Variants in TRPM1 observed in about 807,000 individuals in gnomAD.
TRPM1 encodes TRPM1-203 APA Isoform, Intron 10.
In TRPM1, 113 loss-of-function variants were observed where a neutral mutation model predicts 149.4. The observed-to-expected ratio is 0.76, with a 90% CI of 0.65 to 0.88. The LOEUF is 0.88. Among genes scored for constraint, TRPM1 ranks in the 40% least tolerant of loss-of-function variants. TRPM1 has a pLI of 0.00. For missense variants in TRPM1, 1,976 were observed against 2,038.7 expected, an observed-to-expected ratio of 0.97 and a Z score of 0.59; for synonymous variants, 741 against 759.5, an observed-to-expected ratio of 0.98 and a Z score of 0.40.
At chr15:31,138,288 T>C (rs1454140579) in intron 1 of TRPM1, among the ~76,000 whole-genome samples, 1 of 149,686 alleles carries the variant, frequency 6.7e-6, no homozygotes, top group African/African-American at 2.6e-5. Context: ...ACAATCTTCG[T>C]ATTAACCACC....
At chr15:31,065,254 C>A in intron 7 of TRPM1, 1 of 413,850 alleles carries the variant, frequency 2.4e-6, no homozygotes, top group Non-Finnish European at 4.9e-6. Context: ...AAATCTACAA[C>A]TTTTCCTAGT....
intron 10 of TRPM1, 128 bp from the exon 11 acceptor site, chr15:31,060,772 C>T (rs1238077935): frequency 2.6e-6 from 2 of 782,888 alleles, no homozygotes; most frequent in Admixed American, 4.0e-5. Flanking sequence ...GCTGGCTTTG[C>T]TCTTGCCCTG....
rs745786556 is a variant in TRPM1 at position 31,101,638 on chromosome 15, T to C, written c.-84+19A>G. ...CACCTGACCTCCCTTCACCTGTGCTTACCCGCATCTGAGCTTACCTGCCAC... is the reference window on the plus strand; with the variant it reads ...CACCTGACCTCCCTTCACCTGTGCTCACCCGCATCTGAGCTTACCTGCCAC... On this transcript the variant is annotated intron_variant, in intron 1 of 27. Coordinates refer to ENST00000256552, the MANE Select transcript of TRPM1 (RefSeq NM_001252024.2). 4.5e-4 allele frequency: 442 copies of C among 985,704 alleles called. No individual in the cohort carries two copies. Among genetic ancestry groups the C allele is most frequent in the Admixed American group, 9.2e-4 (15 of 16,276 alleles). The allele number at this position is 985,704 out of a possible 1,614,324, so 61.1% of individuals were successfully genotyped here.
intron 1 of TRPM1, among the ~76,000 whole-genome samples, chr15:31,144,334 G>A (rs141838735): frequency 8.7e-4 from 132 of 152,294 alleles, no homozygotes; most frequent in African/African-American, 3.0e-3. Flanking sequence ...TTATTTGGGA[G>A]GCTAAGGTGG....
chr15:31,057,301 A>G (rs1345444032), intron 11 of TRPM1, among the ~76,000 whole-genome samples: 1 of 152,174 alleles, frequency 6.6e-6, no homozygotes, highest in Non-Finnish European at 1.5e-5. Context: ...AGAAAACCAA[A>G]TGCTGCATAT....
chr15:31,095,857 A>G (rs958398117), intron 1 of TRPM1, among the ~76,000 whole-genome samples: 98 of 152,002 alleles, frequency 6.4e-4, no homozygotes, highest in African/African-American at 2.4e-3. Context: ...CAGCCTGGCC[A>G]ACGTGGTGAA....
In TRPM1 at chr15:31,035,677, G is replaced by GA. The variant is rs1181011923; in HGVS notation, c.2572-4dup. The GA allele has an allele frequency of 6.2e-7, 1 of 1,614,182 alleles. No homozygotes were observed. The highest frequency in any genetic ancestry group is 1.7e-5 in the Admixed American group (1 of 60,026). ...AGCAGGTAGCCCAAGTATGATATCT[G>GA]AAAGAAAGACAAGCTGTTAGCCGTG... On this transcript the variant is annotated splice_region_variant and splice_polypyrimidine_tract_variant and intron_variant, in intron 20 of 27. Coordinates refer to ENST00000256552, the MANE Select transcript of TRPM1 (RefSeq NM_001252024.2).
chr15:31,137,862 G>A (rs79894101), intron 1 of TRPM1, among the ~76,000 whole-genome samples: 3,741 of 152,210 alleles, frequency 0.025, 149 homozygotes, highest in African/African-American at 0.085. Context: ...GATAAAAATA[G>A]AGCTCAGAGC....
chr15:31,028,622 A>T (rs2032907350), intron 24 of TRPM1, 146 bp from the exon 25 acceptor site: 1 of 1,089,448 alleles, frequency 9.2e-7, no homozygotes, highest in Non-Finnish European at 1.3e-6. Context: ...GGGAAAAAAT[A>T]AACTCTGTAG....
At chr15:31,155,322 T>TG (rs570538244) in intron 1 of TRPM1, among the ~76,000 whole-genome samples, 178 of 152,274 alleles carry the variant, frequency 1.2e-3, no homozygotes, top group Non-Finnish European at 2.3e-3. Context: ...GAGACTGCAG[T>TG]GGGGGAGCTT....
At position 31,042,384 on chromosome 15, in the gene TRPM1, T is replaced by G. The variant is rs973457919; in HGVS notation, c.1795-141A>C. The stretch of plus-strand genomic sequence containing the variant: ...GTACATCTTACATTTCCACTCCGCA[T>G]ATGAATTCTTTTGAAAAGATGCACA... On this transcript the variant is annotated intron_variant, in intron 16 of 27. Coordinates refer to ENST00000256552, the MANE Select transcript of TRPM1 (RefSeq NM_001252024.2). 9.4e-6 allele frequency: 8 copies of G among 852,484 alleles called. No homozygotes were observed. The African/African-American group carries it at 1.4e-4, about 15-fold the overall frequency. 52.8% of individuals were successfully genotyped at this position (852,484 alleles called of 1,614,324 possible).
chr15:31,099,745 C>CT, intron 1 of TRPM1, among the ~76,000 whole-genome samples: 1 of 151,100 alleles, frequency 6.6e-6, no homozygotes, highest in South Asian at 2.1e-4. Context: ...ATTACATTTT[C>CT]TGGGGGAGGA....
chr15:31,053,416 C>CT lies in TRPM1; in HGVS notation c.1264-2835_1264-2834insA, dbSNP rs1334902497. On this transcript the variant is annotated intron_variant, in intron 11 of 27. Coordinates refer to ENST00000256552, the MANE Select transcript of TRPM1 (RefSeq NM_001252024.2). ...CAGATGTGTGCCACCACTCCCGGCT[C>CT]ATTTTTTTTTTTTTTTCTGTATTTT... Among the ~76,000 whole-genome samples, 6 of 57,112 alleles carry CT rather than the reference C, an allele frequency of 1.1e-4. No individual in the cohort carries two copies. In the East Asian group the frequency reaches 3.4e-3, roughly 32 times the overall value. The allele number at this position is 57,112 out of a possible 152,430, so 37.5% of individuals were successfully genotyped here. A position where few individuals can be genotyped will look rare whatever the true frequency, so the allele number is the denominator to read the frequency against.
Position 31,028,313 on chromosome 15 carries a change from C to T in TRPM1, c.3293+19G>A. 2 of 1,614,018 alleles carry T rather than the reference C, an allele frequency of 1.2e-6. No individual in the cohort carries two copies. The highest frequency in any genetic ancestry group is 1.7e-6 in the Non-Finnish European group (2 of 1,179,978). On this transcript the variant is annotated intron_variant, in intron 25 of 27. Transcript: ENST00000256552. ...CAGTAATAAATAATAAGCATGTGGTCATCGGCTGTGACACGTACTTGAACA... is the reference window on the plus strand; with the variant it reads ...CAGTAATAAATAATAAGCATGTGGTTATCGGCTGTGACACGTACTTGAACA...
In TRPM1 at chr15:31,040,484, C is replaced by G; in HGVS notation, c.2088-138G>C. On this transcript the variant is annotated intron_variant, in intron 17 of 27. Transcript: ENST00000256552. The surrounding 1 kb of genome is among the most constrained non-coding windows in gnomAD (Gnocchi z 4.2). ...GAGGGGCTCTGAGGTTCTCTGCAAGCAAGAAGCTCCAGGGATGTGTCCCCA... is the reference window on the plus strand; with the variant it reads ...GAGGGGCTCTGAGGTTCTCTGCAAGGAAGAAGCTCCAGGGATGTGTCCCCA... 4.0e-6 allele frequency: 3 copies of G among 751,134 alleles called. No individual in the cohort carries two copies. Among genetic ancestry groups the G allele is most frequent in the Non-Finnish European group, 6.8e-6 (3 of 439,462 alleles). 46.5% of individuals were successfully genotyped at this position (751,134 alleles called of 1,614,324 possible). A position where few individuals can be genotyped will look rare whatever the true frequency, so the allele number is the denominator to read the frequency against.
chr15:31,002,350 C>T lies in TRPM1; in HGVS notation c.4350G>A (p.Thr1450=), dbSNP rs750213641. ...TKITRYFPDE[T]INACKTMKSR... ...ACTTCATTGTTTTACAAGCATTGAT[C>T]GTTTCATCGGGGAAATAGCGTGTAA... is the stretch of plus-strand genomic sequence containing the variant. The change falls in exon 28 of 28, where the codon ACG becomes ACA. Residue 1450 remains threonine, a synonymous_variant. Transcript: ENST00000256552. 25 of 1,614,204 alleles carry T rather than the reference C, an allele frequency of 1.5e-5. No individual in the cohort carries two copies. Among genetic ancestry groups the T allele is most frequent in the South Asian group, 3.3e-5 (3 of 91,076 alleles).
At chr15:31,113,083 A>C (rs1351540545) in intron 1 of TRPM1, among the ~76,000 whole-genome samples, 3 of 152,052 alleles carry the variant, frequency 2.0e-5, no homozygotes, top group African/African-American at 2.4e-5. Flanking sequence ...TGACAGTAGA[A>C]CCCCTGTCCA....
At chr15:31,157,102 G>A (rs1327303656) in intron 1 of TRPM1, among the ~76,000 whole-genome samples, 11 of 151,930 alleles carry the variant, frequency 7.2e-5, no homozygotes, top group Admixed American at 7.2e-4. Context: ...TCATAGAGAT[G>A]GGGCTTCACC....
chr15:31,089,622 T>G (rs1009864933), intron 1 of TRPM1, among the ~76,000 whole-genome samples: 4 of 152,198 alleles, frequency 2.6e-5, no homozygotes, highest in African/African-American at 9.6e-5. Context: ...TCGGGAGAGT[T>G]TGTAATTGAT....
Sources: gnomAD v4.1 joint callset for allele counts (sites outside exome capture counted in the v4.1 genomes callset) on GRCh38, gnomAD v4.1.1 for gene constraint, Gnocchi (gnomAD v3.1) non-coding constraint, MANE v1.5 for transcripts, NCBI Gene and HGNC (gene_info 2026-07-23, HGNC 2026-07-21) for gene names.